Variants in PRSS3 observed in about 807,000 individuals in gnomAD.
PRSS3 encodes serine protease 3, also known as trypsin-3.
A neutral mutation model predicts 20.8 loss-of-function variants in PRSS3; 14 were observed. The observed-to-expected ratio is 0.67, with a 90% CI of 0.44 to 1.05. The LOEUF is 1.05. PRSS3 is among the 50% of genes least tolerant of loss of function. The probability of loss-of-function intolerance (pLI) is 0.00; values close to 1 mark genes in which losing one functional copy is unlikely to be tolerated. For synonymous variants in PRSS3, 91 were observed against 117.6 expected (o/e 0.77, Z 1.46); for missense variants, 237 against 306.4 (o/e 0.77, Z 1.69).
chr9:33,797,275 A>C (rs1825012260), intron 2 of PRSS3, among the ~76,000 whole-genome samples: 1 of 140,676 alleles, frequency 7.1e-6, no homozygotes, highest in South Asian at 2.2e-4. Context: ...AACCACCTGC[A>C]GGCTTATTAA....
intron 1 of PRSS3, among the ~76,000 whole-genome samples, chr9:33,766,263 C>G (rs1291488699): frequency 1.4e-5 from 1 of 72,798 alleles, no homozygotes; most frequent in Non-Finnish European, 2.3e-5. Flanking sequence ...GATTCCGTCT[C>G]AAAAAAAAAA....
chr9:33,770,760 G>A (rs1823649931), intron 1 of PRSS3, among the ~76,000 whole-genome samples: 1 of 152,156 alleles, frequency 6.6e-6, no homozygotes, highest in South Asian at 2.1e-4. Context: ...CTCCAGAACT[G>A]AGAATGTAAA....
chr9:33,786,563 A>T (rs1485680473), intron 1 of PRSS3: 1 of 766,190 alleles, frequency 1.3e-6, no homozygotes, highest in Admixed American at 1.7e-5. Context: ...TCAAAAGCCA[A>T]GCAGGGATAT....
In PRSS3 at chr9:33,796,174, C is replaced by T. The variant is rs563594615; in HGVS notation, c.41-469C>T. ...AAAGTGAGCCTGGGGCTGCCCTCAA[C>T]TCTGCCCTCACTGCACAGATCTGAG... On this transcript the variant is annotated intron_variant, in intron 1 of 4. Coordinates refer to ENST00000379405, the MANE Select transcript of PRSS3 (RefSeq NM_002771.4). 1.2e-3 allele frequency among the ~76,000 whole-genome samples: 188 copies of T among 152,318 alleles called. 5 individuals are homozygous for T. The South Asian group carries it at 0.039, about 31-fold the overall frequency.
intron 1 of PRSS3, among the ~76,000 whole-genome samples, chr9:33,784,389 C>T (rs1293047116): frequency 3.9e-5 from 6 of 152,122 alleles, no homozygotes; most frequent in African/African-American, 1.2e-4. Flanking sequence ...TCAAGAAAAA[C>T]TGAAATATTC....
chr9:33,795,360 C>G (rs906308028), upstream of PRSS3, among the ~76,000 whole-genome samples: 1 of 152,250 alleles, frequency 6.6e-6, no homozygotes, highest in African/African-American at 2.4e-5. Flanking sequence ...CCTCTCTGCT[C>G]TCAGAAGGCA....
chr9:33,789,801 G>T (rs1426204622), intron 1 of PRSS3, among the ~76,000 whole-genome samples: 2 of 152,180 alleles, frequency 1.3e-5, no homozygotes, highest in African/African-American at 4.8e-5. Flanking sequence ...AAGCAGTAAA[G>T]CACTGTGCTT....
chr9:33,762,994 A>T (rs1823270598), intron 1 of PRSS3, among the ~76,000 whole-genome samples: 1 of 152,192 alleles, frequency 6.6e-6, no homozygotes, highest in Non-Finnish European at 1.5e-5. Flanking sequence ...TTTTAGAAGG[A>T]GGAGTACTGA....
chr9:33,772,321 C>A (rs531254111), intron 1 of PRSS3, among the ~76,000 whole-genome samples: 32 of 152,232 alleles, frequency 2.1e-4, no homozygotes, highest in Non-Finnish European at 3.5e-4. Context: ...ATCTCACAGG[C>A]TCGACATTGC....
chr9:33,786,911 C>A, intron 1 of PRSS3: 1 of 608,416 alleles, frequency 1.6e-6, no homozygotes, highest in Non-Finnish European at 2.9e-6. Flanking sequence ...ACCTGAGGGC[C>A]CTGTCAAGGT....
chr9:33,795,546 C>T (rs944164960), upstream of PRSS3: 2 of 1,613,852 alleles, frequency 1.2e-6, no homozygotes, highest in African/African-American at 2.7e-5. Context: ...ACAGGCCTTC[C>T]ACCACCAGTC....
At chr9:33,785,203 A>G (rs1178227014) in intron 1 of PRSS3, among the ~76,000 whole-genome samples, 2 of 66,470 alleles carry the variant, frequency 3.0e-5, no homozygotes, top group Non-Finnish European at 4.9e-5. Flanking sequence ...TTTGAGACGG[A>G]GTCTCGCTCT....
At chr9:33,764,064 T>C (rs1823319776) in intron 1 of PRSS3, among the ~76,000 whole-genome samples, 1 of 152,184 alleles carries the variant, frequency 6.6e-6, no homozygotes, top group Non-Finnish European at 1.5e-5. Flanking sequence ...ATAGGCAAGG[T>C]CCTTCTGTAA....
chr9:33,784,295 A>G (rs1824297347), intron 1 of PRSS3, among the ~76,000 whole-genome samples: 3 of 152,242 alleles, frequency 2.0e-5, no homozygotes, highest in Non-Finnish European at 4.4e-5. Flanking sequence ...AGCTTTTAGG[A>G]TAAATGAAAT....
At chr9:33,790,701 C>G (rs1031441675), upstream of PRSS3, among the ~76,000 whole-genome samples, 2 of 152,214 alleles carry the variant, frequency 1.3e-5, no homozygotes, top group Admixed American at 1.3e-4. Context: ...TACCTCCTCA[C>G]ATGTGCATAA....
Position 33,798,585 on chromosome 9 carries a change from G to T in PRSS3, c.554G>T (p.Cys185Phe), listed in dbSNP as rs1563971017. The stretch of plus-strand genomic sequence containing the variant: ...GGAAAGATTACCAACAGCATGTTCT[G>T]TGTGGGCTTCCTTGAGGGAGGCAAG... ...YPGKITNSMF[C>F]VGFLEGGKDS... is the part of the protein sequence containing the mutation. Residue 185 changes from cysteine to phenylalanine, a missense_variant, in exon 4 of 5, where the codon TGT becomes TTT. Physicochemically the swap from Cys to Phe is radical, Grantham distance 205 (BLOSUM62 -2). Coordinates refer to ENST00000379405, the MANE Select transcript of PRSS3 (RefSeq NM_002771.4). The T allele has an allele frequency of 1.2e-6, 2 of 1,614,208 alleles. No homozygotes were observed. The highest frequency in any genetic ancestry group is 8.5e-7 in the Non-Finnish European group (1 of 1,180,022).
At chr9:33,763,882 G>A (rs963131693) in intron 1 of PRSS3, among the ~76,000 whole-genome samples, 8 of 152,104 alleles carry the variant, frequency 5.3e-5, no homozygotes, top group African/African-American at 1.7e-4. Flanking sequence ...TTTCCAGGAA[G>A]CTTTCATGAC....
intron 1 of PRSS3, among the ~76,000 whole-genome samples, chr9:33,771,849 C>A (rs1338666831): frequency 6.7e-6 from 1 of 148,280 alleles, no homozygotes; most frequent in Non-Finnish European, 1.5e-5. Flanking sequence ...CCATGTTATC[C>A]AGGCTAGTTT....
chr9:33,763,020 G>C (rs1231440322), intron 1 of PRSS3, among the ~76,000 whole-genome samples: 3 of 152,180 alleles, frequency 2.0e-5, no homozygotes, highest in African/African-American at 7.2e-5. Flanking sequence ...AGAGACATTA[G>C]AGAACTTGTC....
Sources: allele counts gnomAD v4.1 joint callset (sites outside exome capture counted in the v4.1 genomes callset), GRCh38; gene constraint gnomAD v4.1.1; transcripts MANE v1.5; gene names NCBI Gene and HGNC (gene_info 2026-07-23, HGNC 2026-07-21).